TRPM3: variants seen among roughly 807,000 people sequenced by gnomAD.
TRPM3 encodes long transient receptor potential channel 3.
TRPM3 carries 77 observed loss-of-function variants against 181.2 expected under a neutral mutation model. That is an observed-to-expected ratio of 0.42 (90% CI 0.35 to 0.51). The LOEUF is 0.51. TRPM3 is among the 20% of genes least tolerant of loss of function. The probability of loss-of-function intolerance (pLI) is 0.01; values close to 1 mark genes in which losing one functional copy is unlikely to be tolerated. For synonymous variants in TRPM3, 745 were observed against 796.4 expected, an observed-to-expected ratio of 0.94 and a Z score of 1.09; for missense variants, 1,759 against 2,196.7, an observed-to-expected ratio of 0.80 and a Z score of 3.98.
chr9:71,194,871 C>A (rs72733819), intron 1 of TRPM3, among the ~76,000 whole-genome samples: 13,184 of 151,764 alleles, frequency 0.087, 665 homozygotes, highest in Non-Finnish European at 0.11. Context: ...AAAAAGCAAT[C>A]ATATGTTACC....
At chr9:70,967,708 T>A (rs550705354) in intron 1 of TRPM3, among the ~76,000 whole-genome samples, 48 of 152,104 alleles carry the variant, frequency 3.2e-4, no homozygotes, top group Admixed American at 5.2e-4. Flanking sequence ...ACTCAACAAT[T>A]TCTTTTTAGC....
Position 70,646,919 on chromosome 9 carries a change from A to G in TRPM3, c.1346-6259T>C, listed in dbSNP as rs114487107. 5.9e-3 allele frequency among the ~76,000 whole-genome samples: 888 copies of G among 151,218 alleles called. 9 individuals are homozygous for G. The highest frequency in any genetic ancestry group is 0.02 in the African/African-American group (821 of 41,344). ...CTCAGAGTCTATTAGGGACACCTCT[A>G]TGCACAAGAACTAGAAACCTAGAAG... On this transcript the variant is annotated intron_variant, in intron 9 of 25. Transcript: ENST00000677713.
At chr9:70,889,837 C>T (rs1176782391) in intron 1 of TRPM3, among the ~76,000 whole-genome samples, 1 of 151,220 alleles carries the variant, frequency 6.6e-6, no homozygotes, top group Non-Finnish European at 1.5e-5. Context: ...ATAAAGGAAA[C>T]AGTACAGAAA....
intron 19 of TRPM3, among the ~76,000 whole-genome samples, chr9:70,609,213 G>A (rs963971186): frequency 6.6e-6 from 1 of 152,190 alleles, no homozygotes; most frequent in Non-Finnish European, 1.5e-5. Context: ...AGGTGCAGAT[G>A]GGATTCCCAC....
intron 25 of TRPM3, among the ~76,000 whole-genome samples, chr9:70,546,220 C>T (rs1451686761): frequency 6.6e-6 from 1 of 152,200 alleles, no homozygotes; most frequent in Non-Finnish European, 1.5e-5. Context: ...CATTGGTTTT[C>T]ATCAGTGGTT....
intron 1 of TRPM3, among the ~76,000 whole-genome samples, chr9:71,037,431 G>A (rs536736375): frequency 3.9e-5 from 6 of 152,278 alleles, no homozygotes; most frequent in African/African-American, 1.2e-4. Flanking sequence ...AACTCAGTAG[G>A]GTTACAAGTG....
chr9:70,820,379 T>G (rs1173022198), intron 6 of TRPM3, among the ~76,000 whole-genome samples: 11 of 152,262 alleles, frequency 7.2e-5, no homozygotes, highest in East Asian at 5.8e-4. Context: ...ATAGGACTTT[T>G]TTTGTTTGTT....
chr9:71,125,963 A>G (rs1369013969), upstream of TRPM3, among the ~76,000 whole-genome samples: 2 of 152,214 alleles, frequency 1.3e-5, no homozygotes, highest in Admixed American at 6.5e-5. Context: ...AATTTTTGCA[A>G]TCTATCCATC....
intron 1 of TRPM3, among the ~76,000 whole-genome samples, chr9:70,927,927 T>C (rs563306442): frequency 6.6e-6 from 1 of 152,334 alleles, no homozygotes; most frequent in South Asian, 2.1e-4. Context: ...GCAATCTTTA[T>C]TTTTTATTAA....
chr9:71,321,425 T>C (rs997991657), intron 1 of TRPM3, among the ~76,000 whole-genome samples: 1 of 152,144 alleles, frequency 6.6e-6, no homozygotes, highest in African/African-American at 2.4e-5. Context: ...GTCCCTCCCT[T>C]GCTTAGACCA....
At chr9:70,840,638 T>G (rs2131953758) in intron 5 of TRPM3, among the ~76,000 whole-genome samples, 1 of 150,938 alleles carries the variant, frequency 6.6e-6, no homozygotes, top group African/African-American at 2.4e-5. Context: ...AAATGAGGAG[T>G]GAAGGGAGAA....
Position 70,807,371 on chromosome 9 carries a change from T to C in TRPM3, c.973+20476A>G, listed in dbSNP as rs928873637. Among the ~76,000 whole-genome samples, 2 of 152,354 alleles carry C rather than the reference T, an allele frequency of 1.3e-5. 1 individual carries two copies. The highest frequency in any genetic ancestry group is 1.3e-4 in the Admixed American group (2 of 15,304). ...ACACAGTCAACTTTCTCAGACTAAA[T>C]GCTTTTATGCCCATGAATTGGAAGT... On this transcript the variant is annotated intron_variant, in intron 6 of 25. Coordinates refer to ENST00000677713, the MANE Select transcript of TRPM3 (RefSeq NM_001366145.2).
chr9:71,256,809 A>G (rs1250692946), intron 1 of TRPM3, among the ~76,000 whole-genome samples: 1 of 152,208 alleles, frequency 6.6e-6, no homozygotes, highest in African/African-American at 2.4e-5. Flanking sequence ...GCTATGACTT[A>G]TAGGCTGATA....
chr9:70,622,518 T>C (rs2063777535), intron 14 of TRPM3, among the ~76,000 whole-genome samples: 1 of 152,234 alleles, frequency 6.6e-6, no homozygotes, highest in Admixed American at 6.5e-5. Flanking sequence ...GGGCCTGTGC[T>C]GATGGTGGCA....
intron 22 of TRPM3, among the ~76,000 whole-genome samples, chr9:70,565,238 C>T (rs771576203): frequency 1.8e-4 from 28 of 152,166 alleles, no homozygotes; most frequent in Non-Finnish European, 3.4e-4. Context: ...AACATTGACA[C>T]GTCAGTTAAA....
intron 1 of TRPM3, among the ~76,000 whole-genome samples, chr9:70,977,090 A>G (rs1438840258): frequency 2.0e-5 from 3 of 152,196 alleles, no homozygotes; most frequent in African/African-American, 4.8e-5. Flanking sequence ...TGTTTTTGCC[A>G]TATGTTGGTG....
At chr9:71,312,417 T>C (rs2088047014) in intron 1 of TRPM3, among the ~76,000 whole-genome samples, 1 of 152,170 alleles carries the variant, frequency 6.6e-6, no homozygotes, top group Non-Finnish European at 1.5e-5. Context: ...GACAAGGATG[T>C]GGTGCATTAT....
At chr9:70,789,358 A>G (rs1433376285) in intron 6 of TRPM3, among the ~76,000 whole-genome samples, 1 of 152,178 alleles carries the variant, frequency 6.6e-6, no homozygotes, top group Non-Finnish European at 1.5e-5. Flanking sequence ...GAGCCTTACA[A>G]ATTTGTGTCT....
At chr9:70,636,586 A>G (rs941822702) in intron 11 of TRPM3, among the ~76,000 whole-genome samples, 2 of 152,208 alleles carry the variant, frequency 1.3e-5, no homozygotes, top group Non-Finnish European at 2.9e-5. Context: ...TCTTTGGGAT[A>G]TAACAAAATT....
Sources: gnomAD v4.1 joint callset for allele counts (sites outside exome capture counted in the v4.1 genomes callset) on GRCh38, gnomAD v4.1.1 for gene constraint, MANE v1.5 for transcripts, NCBI Gene and HGNC (gene_info 2026-07-23, HGNC 2026-07-21) for gene names.